Variants in ANXA8 observed in about 807,000 individuals in gnomAD.
ANXA8 encodes VAC-beta.
A neutral mutation model predicts 26.8 loss-of-function variants in ANXA8; 9 were observed. That is an observed-to-expected ratio of 0.34 (90% confidence interval 0.20 to 0.59). ANXA8 has a LOEUF of 0.59. ANXA8 is among the 20% of genes least tolerant of loss of function. ANXA8 has a pLI of 0.84. For synonymous variants in ANXA8, 39 were observed against 94.8 expected (o/e 0.41, Z 3.42); for missense variants, 83 against 238.5 (o/e 0.35, Z 4.29).
At chr10:47,625,626 T>C in the ANXA8 span, among the ~76,000 whole-genome samples, 69 of 152,146 alleles carry the variant, frequency 4.5e-4, no homozygotes, top group East Asian at 0.011. Context: ...TCCCCAAGCA[T>C]TGGTGTGTCA....
the ANXA8 span, chr10:47,986,472 T>C: frequency 1.5e-5 from 4 of 270,334 alleles, no homozygotes; most frequent in African/African-American, 6.8e-5. Flanking sequence ...ATGAAGTTTT[T>C]TTCTCACGGC....
At chr10:47,504,413 G>T in the ANXA8 span, among the ~76,000 whole-genome samples, 4 of 125,718 alleles carry the variant, frequency 3.2e-5, no homozygotes, top group East Asian at 1.3e-3. Context: ...TTCTTTCTCA[G>T]CACATCATGG....
chr10:47,669,462 TA>T, the ANXA8 span, among the ~76,000 whole-genome samples: 1 of 151,572 alleles, frequency 6.6e-6, no homozygotes, highest in South Asian at 2.1e-4. Context: ...CTCAGGCCTG[TA>T]ATCCCAGAAC....
At chr10:47,944,036 CG>C in the ANXA8 span, among the ~76,000 whole-genome samples, 1 of 147,486 alleles carries the variant, frequency 6.8e-6, no homozygotes, top group Non-Finnish European at 1.5e-5. Flanking sequence ...TTAGTTGGCT[CG>C]GGCCGCTATT....
the ANXA8 span, among the ~76,000 whole-genome samples, chr10:47,918,451 G>C: frequency 1.2e-4 from 6 of 51,188 alleles, no homozygotes; most frequent in Non-Finnish European, 2.5e-4. Flanking sequence ...GAAAGACAGC[G>C]CAGCTCCAGC....
chr10:47,596,144 C>T, the ANXA8 span, among the ~76,000 whole-genome samples: 1,286 of 117,132 alleles, frequency 0.011, 23 homozygotes, highest in Middle Eastern at 0.03. Flanking sequence ...CAAACACACA[C>T]GGAAACTAAA....
At chr10:47,768,680 C>T in the ANXA8 span, among the ~76,000 whole-genome samples, 1 of 151,592 alleles carries the variant, frequency 6.6e-6, no homozygotes, top group Non-Finnish European at 1.5e-5. Flanking sequence ...ACAGCCTGCC[C>T]TCCAGCCCAG....
chr10:47,672,399 T>C, the ANXA8 span, among the ~76,000 whole-genome samples: 1 of 151,960 alleles, frequency 6.6e-6, no homozygotes, highest in African/African-American at 2.4e-5. Context: ...TCTTTTTTGG[T>C]AAGCTTCAAA....
the ANXA8 span, among the ~76,000 whole-genome samples, chr10:47,561,631 T>C: frequency 2.0e-5 from 3 of 151,882 alleles, no homozygotes; most frequent in Non-Finnish European, 4.4e-5. Flanking sequence ...CCATAGCTTT[T>C]CTTTCTTTTT....
chr10:47,775,958 G>C, the ANXA8 span, among the ~76,000 whole-genome samples: 1 of 151,590 alleles, frequency 6.6e-6, no homozygotes, highest in Non-Finnish European at 1.5e-5. Flanking sequence ...AAGACAGCCA[G>C]CTGCAAGGGA....
At chr10:47,673,270 C>T in the ANXA8 span, among the ~76,000 whole-genome samples, 1 of 151,560 alleles carries the variant, frequency 6.6e-6, no homozygotes, top group South Asian at 2.1e-4. Flanking sequence ...CATTTGGAAC[C>T]TCTCCCAAGT....
chr10:47,636,592 A>G, the ANXA8 span, among the ~76,000 whole-genome samples: 2 of 144,116 alleles, frequency 1.4e-5, 1 homozygote, highest in Admixed American at 1.4e-4. Context: ...TATCATCATC[A>G]CAACCAAGGT....
the ANXA8 span, among the ~76,000 whole-genome samples, chr10:47,650,343 G>A: frequency 9.6e-5 from 14 of 146,212 alleles, no homozygotes; most frequent in African/African-American, 3.3e-4. Flanking sequence ...CACTGCACCT[G>A]GCCAAAATTA....
chr10:47,509,925 A>G, the ANXA8 span, among the ~76,000 whole-genome samples: 11 of 141,584 alleles, frequency 7.8e-5, 1 homozygote, highest in African/African-American at 2.8e-4. Context: ...TGTGTTCAAC[A>G]TTGTCTAAAG....
chr10:47,895,311 C>T, the ANXA8 span, among the ~76,000 whole-genome samples: 739 of 151,358 alleles, frequency 4.9e-3, no homozygotes, highest in African/African-American at 0.017. Context: ...CCCCAAGAAA[C>T]GGGTTTCCAT....
the ANXA8 span, among the ~76,000 whole-genome samples, chr10:47,593,725 GAATAAAA>G: frequency 6.7e-6 from 1 of 148,736 alleles, no homozygotes; most frequent in Admixed American, 6.6e-5. Flanking sequence ...CTTTCAAAGA[GAATAAAA>G]AATATAAAAG....
At chr10:47,480,859 C>CCCAT (rs566985938) in intron 1 of ANXA8, among the ~76,000 whole-genome samples, 7,692 of 128,384 alleles carry the variant, frequency 0.06, 730 homozygotes, top group African/African-American at 0.16. Flanking sequence ...TATGCACCCG[C>CCCAT]CCATCCATCC....
At chr10:47,528,029 G>T in the ANXA8 span, among the ~76,000 whole-genome samples, 2 of 142,774 alleles carry the variant, frequency 1.4e-5, no homozygotes, top group Non-Finnish European at 3.1e-5. Context: ...GCTATTTCTG[G>T]TAAAGGAAAG....
the ANXA8 span, among the ~76,000 whole-genome samples, chr10:47,707,224 A>G: frequency 7.0e-6 from 1 of 143,406 alleles, no homozygotes; most frequent in African/African-American, 2.4e-5. Context: ...TCATTTTACC[A>G]ATTTGGTTTT....
Sources: allele counts gnomAD v4.1 joint callset (sites outside exome capture counted in the v4.1 genomes callset), GRCh38; gene constraint gnomAD v4.1.1; transcripts MANE v1.5; gene names NCBI Gene and HGNC (gene_info 2026-07-23, HGNC 2026-07-21).